IGSF21: variants seen among roughly 807,000 people sequenced by gnomAD.
The protein encoded by IGSF21 is immunoglobulin superfamily member 21.
Under a neutral mutation model 46.8 loss-of-function variants are expected in IGSF21, and 28 were observed. The observed-to-expected ratio is 0.60, with a 90% CI of 0.44 to 0.82. The LOEUF (loss-of-function observed/expected upper bound fraction) is 0.82. IGSF21 is among the 40% of genes least tolerant of loss of function. The pLI is 0.00. For missense variants in IGSF21, 624 were observed against 665.5 expected (o/e 0.94, Z 0.69); for synonymous variants, 284 against 273.6 (o/e 1.04, Z -0.38).
At chr1:18,369,639 C>G (rs765878331) in intron 6 of IGSF21, among the ~76,000 whole-genome samples, 14 of 152,210 alleles carry the variant, frequency 9.2e-5, no homozygotes, top group Non-Finnish European at 1.9e-4. Context: ...CTGGGTGAGA[C>G]AGTGGGACGG....
At chr1:18,352,728 C>G (rs2085970533) in intron 4 of IGSF21, among the ~76,000 whole-genome samples, 3 of 152,226 alleles carry the variant, frequency 2.0e-5, no homozygotes, top group Non-Finnish European at 4.4e-5. Context: ...ACCCCCAGAG[C>G]AGCCAGCCAG....
At chr1:18,199,063 C>T (rs937465118) in intron 1 of IGSF21, among the ~76,000 whole-genome samples, 3 of 152,036 alleles carry the variant, frequency 2.0e-5, no homozygotes, top group Non-Finnish European at 2.9e-5. Flanking sequence ...TGCTTTGGTG[C>T]CCGTAAATGG....
intron 4 of IGSF21, among the ~76,000 whole-genome samples, chr1:18,358,953 C>T (rs1324563306): frequency 6.6e-6 from 1 of 152,142 alleles, no homozygotes; most frequent in Non-Finnish European, 1.5e-5. Flanking sequence ...TGTGCCATCA[C>T]ATTTACTCTT....
At chr1:18,267,742 G>A (rs1437913688) in intron 2 of IGSF21, among the ~76,000 whole-genome samples, 1 of 152,226 alleles carries the variant, frequency 6.6e-6, no homozygotes, top group Non-Finnish European at 1.5e-5. Context: ...AGAGTTGGAG[G>A]AGCTCATTCT....
chr1:18,264,973 C>A lies in IGSF21; in HGVS notation c.184-26893C>A, dbSNP rs184981730. On this transcript the variant is annotated intron_variant, in intron 2 of 9. Coordinates refer to ENST00000251296, the MANE Select transcript of IGSF21 (RefSeq NM_032880.5). ...CACAAATAGCAGCTATTACAGTGGT[C>A]GTGAGCATGATGTCACAATCCCGGC... is the stretch of plus-strand genomic sequence containing the variant. Among the ~76,000 whole-genome samples the A allele has an allele frequency of 6.6e-5, 10 of 152,344 alleles. No individual in the cohort carries two copies. The East Asian group carries it at 1.4e-3, about 21-fold the overall frequency.
At chr1:18,265,562 C>G (rs1452896205) in intron 2 of IGSF21, among the ~76,000 whole-genome samples, 1 of 152,178 alleles carries the variant, frequency 6.6e-6, no homozygotes, top group Admixed American at 6.5e-5. Flanking sequence ...TGGGGAGCCC[C>G]TTTCTTGGAG....
At chr1:18,330,516 C>T (rs375988324) in intron 3 of IGSF21, among the ~76,000 whole-genome samples, 1 of 150,436 alleles carries the variant, frequency 6.6e-6, no homozygotes, top group African/African-American at 2.4e-5. Context: ...GGGGCAGGGG[C>T]GAGAGAGAAG....
chr1:18,339,685 A>C (rs1054375808), intron 4 of IGSF21, among the ~76,000 whole-genome samples: 1 of 152,224 alleles, frequency 6.6e-6, no homozygotes, highest in East Asian at 1.9e-4. Flanking sequence ...AGATCACGCC[A>C]CTGCTTTCTA....
intron 1 of IGSF21, among the ~76,000 whole-genome samples, chr1:18,208,589 G>A (rs1368165514): frequency 3.6e-5 from 5 of 137,768 alleles, no homozygotes; most frequent in Non-Finnish European, 7.7e-5. Context: ...AGTAGAGACC[G>A]GGTTTCTCCA....
intron 3 of IGSF21, among the ~76,000 whole-genome samples, chr1:18,316,658 T>C (rs1164236040): frequency 1.3e-5 from 2 of 152,214 alleles, no homozygotes; most frequent in East Asian, 1.9e-4. Context: ...CTTGGATTGA[T>C]AGTGAGATCT....
chr1:18,140,393 C>T (rs149243844), intron 1 of IGSF21, among the ~76,000 whole-genome samples: 162 of 152,262 alleles, frequency 1.1e-3, no homozygotes, highest in African/African-American at 3.5e-3. Context: ...GGTCACTTCC[C>T]GAATAAGCTA....
intron 4 of IGSF21, among the ~76,000 whole-genome samples, chr1:18,359,598 T>A (rs1194724522): frequency 6.6e-6 from 1 of 152,094 alleles, no homozygotes; most frequent in Non-Finnish European, 1.5e-5. Context: ...ATGAGTGATT[T>A]TAAAGGAGTC....
chr1:18,342,390 G>C (rs2085852253), intron 4 of IGSF21, among the ~76,000 whole-genome samples: 1 of 152,112 alleles, frequency 6.6e-6, no homozygotes, highest in Non-Finnish European at 1.5e-5. Flanking sequence ...CACCAAGCCC[G>C]GCCCTTTGGT....
At chr1:18,252,098 T>A (rs1376267440) in intron 2 of IGSF21, among the ~76,000 whole-genome samples, 5 of 127,110 alleles carry the variant, frequency 3.9e-5, no homozygotes, top group African/African-American at 1.5e-4. Flanking sequence ...TCACCCCGGC[T>A]GGAGTGCAGT....
At chr1:18,372,642 A>ATGGATGGATGGATGGT (rs2086237548) in intron 6 of IGSF21, among the ~76,000 whole-genome samples, 1 of 150,802 alleles carries the variant, frequency 6.6e-6, no homozygotes, top group Admixed American at 6.6e-5. Flanking sequence ...AGATGGATGG[A>ATGGATGGATGGATGGT]TGGATGGATG....
intron 1 of IGSF21, chr1:18,111,866 T>C (rs867384747): frequency 3.3e-5 from 5 of 152,220 alleles, no homozygotes; most frequent in African/African-American, 9.7e-5. Context: ...TTCCTCTCTC[T>C]GGCCGCAAAG....
intron 2 of IGSF21, among the ~76,000 whole-genome samples, chr1:18,259,145 C>T (rs1323732891): frequency 1.3e-5 from 2 of 152,156 alleles, no homozygotes; most frequent in Non-Finnish European, 2.9e-5. Context: ...TGCCACATCC[C>T]CTCGGGGCTG....
chr1:18,129,974 C>A (rs2086303862), intron 1 of IGSF21, among the ~76,000 whole-genome samples: 1 of 152,112 alleles, frequency 6.6e-6, no homozygotes, highest in Admixed American at 6.5e-5. Flanking sequence ...GAACCATGGG[C>A]CAATACCTTT....
At chr1:18,164,098 C>A (rs1170192112) in intron 1 of IGSF21, among the ~76,000 whole-genome samples, 5 of 152,162 alleles carry the variant, frequency 3.3e-5, no homozygotes, top group Non-Finnish European at 7.3e-5. Context: ...GAACAGCATA[C>A]TAGCTCCATC....
Sources: gnomAD v4.1 joint callset for allele counts (sites outside exome capture counted in the v4.1 genomes callset) on GRCh38, gnomAD v4.1.1 for gene constraint, MANE v1.5 for transcripts, NCBI Gene and HGNC (gene_info 2026-07-23, HGNC 2026-07-21) for gene names.